The following PIKFYVE variants were observed in gnomAD, a reference collection of about 807,000 sequenced individuals.
The protein encoded by PIKFYVE is 1-phosphatidylinositol 3-phosphate 5-kinase.
PIKFYVE carries 122 observed loss-of-function variants against 257.9 expected under a neutral mutation model. The observed-to-expected ratio is 0.47, with a 90% CI of 0.41 to 0.55. The LOEUF (loss-of-function observed/expected upper bound fraction) is 0.55. Ranked by LOEUF, PIKFYVE falls within the 20% of genes least tolerant of loss-of-function variation. PIKFYVE has a pLI of 0.00. For synonymous variants in PIKFYVE, 892 were observed against 868.9 expected (o/e 1.03, Z -0.47); for missense variants, 2,160 against 2,536.6 (o/e 0.85, Z 3.19).
rs762767956 is a variant in PIKFYVE, at chr2:208,354,065, T to G, written c.6012T>G (p.Ser2004Arg). The change falls in exon 40 of 42, where the codon AGT (serine) becomes AGG (arginine). Residue 2004 changes from serine to arginine, a missense_variant. Coordinates refer to ENST00000264380, the MANE Select transcript of PIKFYVE (RefSeq NM_015040.4). ...CTGTGCTGAGAACCTCGATCCATAG[T>G]GACTCCCATTTCCTTTCTAGCCACC... ...SKAVLRTSIH[S>R]DSHFLSSHLI... 2 of 1,614,098 alleles carry G rather than the reference T, an allele frequency of 1.2e-6. No homozygotes were observed. The highest frequency in any genetic ancestry group is 1.7e-5 in the Admixed American group (1 of 60,022).
In PIKFYVE at chr2:208,321,873, A is replaced by G. The variant is rs562514251; in HGVS notation, c.2190+1514A>G. On this transcript the variant is annotated intron_variant, in intron 17 of 41. Coordinates refer to ENST00000264380, the MANE Select transcript of PIKFYVE (RefSeq NM_015040.4). Reference sequence around the variant, plus strand: ...ATTACAGGCGTGAGCCACAATATTCATTTCTTTTGAAATTAAGCCTTTGTG... The same window carrying G: ...ATTACAGGCGTGAGCCACAATATTCGTTTCTTTTGAAATTAAGCCTTTGTG... 1.6e-4 allele frequency among the ~76,000 whole-genome samples: 24 copies of G among 152,028 alleles called. 1 individual carries two copies. The South Asian group carries it at 4.8e-3, about 30-fold the overall frequency.
intron 3 of PIKFYVE, chr2:208,274,147 T>C: frequency 1.5e-6 from 2 of 1,350,958 alleles, no homozygotes; most frequent in Non-Finnish European, 2.1e-6. Context: ...CTCTGTCAAC[T>C]CCATTATTGG....
intron 12 of PIKFYVE, among the ~76,000 whole-genome samples, chr2:208,311,763 A>G (rs1694957084): frequency 6.6e-6 from 1 of 152,124 alleles, no homozygotes; most frequent in South Asian, 2.1e-4. Context: ...AATTTGTTTT[A>G]TAGCTTATAT....
At chr2:208,302,139 C>G (rs1693771808) in intron 9 of PIKFYVE, 103 bp from the exon 10 acceptor site, 3 of 966,222 alleles carry the variant, frequency 3.1e-6, no homozygotes, top group Non-Finnish European at 4.9e-6. Context: ...AATTCTAACT[C>G]TGATTAGAAC....
At chr2:208,273,820 T>G in intron 3 of PIKFYVE, 87 bp downstream of exon 3, 2 of 1,506,284 alleles carry the variant, frequency 1.3e-6, no homozygotes, top group Non-Finnish European at 1.8e-6. Flanking sequence ...TAGCAGGACT[T>G]AACTTTCCTG....
At chr2:208,337,644 G>A (rs994035525) in intron 28 of PIKFYVE, among the ~76,000 whole-genome samples, 2 of 151,884 alleles carry the variant, frequency 1.3e-5, no homozygotes, top group African/African-American at 4.8e-5. Context: ...TCCAGGAAGC[G>A]AGCTACTATT....
intron 23 of PIKFYVE, 61 bp downstream of exon 23, chr2:208,330,755 T>A: frequency 7.1e-7 from 1 of 1,416,080 alleles, no homozygotes; most frequent in East Asian, 2.5e-5. Context: ...TATGTTTTTT[T>A]TTTTTCCTGA....
chr2:208,287,042 G>A (rs949315875), intron 6 of PIKFYVE, among the ~76,000 whole-genome samples: 1 of 151,852 alleles, frequency 6.6e-6, no homozygotes, highest in Non-Finnish European at 1.5e-5. Context: ...GACATAAAGT[G>A]GAGTAGAAAA....
chr2:208,271,658 A>G lies in PIKFYVE; in HGVS notation c.139A>G (p.Ser47Gly), dbSNP rs749913126. Residue 47 changes from serine (S) to glycine (G), a missense_variant, in exon 2 of 42, where the codon AGT (serine) becomes GGT (glycine). By Grantham distance (56) the Ser-to-Gly change is moderately conservative (BLOSUM62 0). Coordinates refer to ENST00000264380, the MANE Select transcript of PIKFYVE (RefSeq NM_015040.4). ...TGAGCCCCCTTTTAAATCAGCTTAT[A>G]GTTCTTTTGTAAATCTCTTTCGTTT... ...QDEPPFKSAY[S>G]SFVNLFRFNK... The G allele has an allele frequency of 6.2e-7, 1 of 1,613,950 alleles. No individual in the cohort carries two copies. Among genetic ancestry groups the G allele is most frequent in the Non-Finnish European group, 8.5e-7 (1 of 1,179,862 alleles).
chr2:208,317,532 C>T (rs1347975929), intron 15 of PIKFYVE, among the ~76,000 whole-genome samples: 2 of 152,060 alleles, frequency 1.3e-5, no homozygotes, highest in African/African-American at 4.8e-5. Flanking sequence ...ATTGGACACC[C>T]CTGATTTAGA....
chr2:208,323,157 T>A (rs892302918), intron 17 of PIKFYVE, among the ~76,000 whole-genome samples: 1 of 151,242 alleles, frequency 6.6e-6, no homozygotes, highest in Non-Finnish European at 1.5e-5. Flanking sequence ...ATGTGCACAA[T>A]GTGCAGGTTA....
Position 208,285,750 on chromosome 2 carries a change from G to A in PIKFYVE, c.638G>A (p.Cys213Tyr). Residue 213 changes from cysteine to tyrosine, a missense_variant, in exon 6 of 42, where the codon TGT becomes TAT. Physicochemically the swap from Cys to Tyr is radical, Grantham distance 194. Coordinates refer to ENST00000264380, the MANE Select transcript of PIKFYVE (RefSeq NM_015040.4). ...GGAGACCTCCGAGCTTGCACATATT[G>A]TAGAAAAATAGCCTTAAGTTATGCT... The part of the protein sequence containing the change: ...YTGDLRACTY[C>Y]RKIALSYAHS... 1 of 1,613,802 alleles carries A rather than the reference G, an allele frequency of 6.2e-7. No homozygotes were observed. The highest frequency in any genetic ancestry group is 8.5e-7 in the Non-Finnish European group (1 of 1,179,872).
At chr2:208,300,862 A>C (rs1245438005) in intron 8 of PIKFYVE, 75 bp from the exon 9 acceptor site, 1 of 1,586,060 alleles carries the variant, frequency 6.3e-7, no homozygotes, top group Non-Finnish European at 8.6e-7. Context: ...TGAGTCTAAA[A>C]ATCACAGGAA....
chr2:208,327,094 C>A (rs1697017393), intron 20 of PIKFYVE, among the ~76,000 whole-genome samples: 1 of 152,092 alleles, frequency 6.6e-6, no homozygotes, highest in South Asian at 2.1e-4. Context: ...TGTTCAATTT[C>A]ACTAGTAGTC....
chr2:208,330,445 T>C lies in PIKFYVE; in HGVS notation c.3792-78T>C, dbSNP rs1170969717. 1.9e-6 allele frequency: 3 copies of C among 1,550,552 alleles called. No homozygotes were observed. In the African/African-American group the frequency reaches 4.1e-5, roughly 21 times the overall value. On this transcript the variant is annotated intron_variant, in intron 22 of 41. Coordinates refer to ENST00000264380, the MANE Select transcript of PIKFYVE (RefSeq NM_015040.4). Reference sequence around the variant, plus strand: ...TGAGTACCTTGTGCAGATTGTTCACTAGTCATGCTGCACTTTGACAGTGGT... The same window carrying C: ...TGAGTACCTTGTGCAGATTGTTCACCAGTCATGCTGCACTTTGACAGTGGT...
chr2:208,285,500 T>C (rs1691450369), intron 5 of PIKFYVE, among the ~76,000 whole-genome samples: 2 of 152,194 alleles, frequency 1.3e-5, no homozygotes, highest in African/African-American at 4.8e-5. Context: ...CTTCTAACTT[T>C]TGATTTTTAG....
rs116204753 is a variant in PIKFYVE, at chr2:208,287,988, A to G, written c.822-741A>G. Among the ~76,000 whole-genome samples, 511 of 152,280 alleles carry G rather than the reference A, an allele frequency of 3.4e-3. 3 individuals are homozygous for G. The highest frequency in any genetic ancestry group is 0.012 in the African/African-American group (493 of 41,546). On this transcript the variant is annotated intron_variant, in intron 6 of 41. Coordinates refer to ENST00000264380, the MANE Select transcript of PIKFYVE (RefSeq NM_015040.4). ...TTTATAAATTTTAAAAATTGATTCT[A>G]TGTTTAATTAAACAATATGAAGTAT...
In PIKFYVE at chr2:208,352,764, C is replaced by T. The variant is rs377626575; in HGVS notation, c.5826C>T (p.Tyr1942=). ...LDLLVMENLF[Y]GRKMAQVFDL... ...TCCTTGTCATGGAAAATCTTTTCTA[C>T]GGGAGAAAGATGGCACAGGTAAGGG... Residue 1942 remains tyrosine, a synonymous_variant, in exon 39 of 42, where the codon TAC becomes TAT. Transcript: ENST00000264380. The T allele has an allele frequency of 2.0e-5, 32 of 1,613,048 alleles. No homozygotes were observed. The highest frequency in any genetic ancestry group is 1.8e-4 in the East Asian group (8 of 44,814).
intron 41 of PIKFYVE, 76 bp downstream of exon 41, chr2:208,354,721 CTTTT>C (rs1366738285): frequency 1.0e-5 from 12 of 1,160,812 alleles, no homozygotes; most frequent in South Asian, 5.1e-5. Flanking sequence ...GATACTGATT[CTTTT>C]TTTTAGTTGT....
Sources: allele counts gnomAD v4.1 joint callset (sites outside exome capture counted in the v4.1 genomes callset), GRCh38; gene constraint gnomAD v4.1.1; transcripts MANE v1.5; gene names NCBI Gene and HGNC (gene_info 2026-07-23, HGNC 2026-07-21).